MAF: variants seen among roughly 807,000 people sequenced by gnomAD.
The protein encoded by MAF is transcription factor Maf.
A neutral mutation model predicts 22.0 loss-of-function variants in MAF; 10 were observed. The observed-to-expected ratio is 0.45, with a 90% CI of 0.28 to 0.77. The LOEUF (loss-of-function observed/expected upper bound fraction) is 0.77, where lower values mean the gene tolerates loss of function less well. MAF is among the 30% of genes least tolerant of loss of function. MAF has a pLI of 0.12. For missense variants in MAF, 544 were observed against 548.4 expected (o/e 0.99, Z 0.08); for synonymous variants, 337 against 255.8 (o/e 1.32, Z -3.03).
chr16:79,338,147 G>T, the MAF span, among the ~76,000 whole-genome samples: 2 of 152,240 alleles, frequency 1.3e-5, no homozygotes, highest in Admixed American at 1.3e-4. Context: ...GGCCGACTTT[G>T]CAATCACAGT....
the MAF span, among the ~76,000 whole-genome samples, chr16:79,435,187 T>C: frequency 6.6e-6 from 1 of 152,030 alleles, no homozygotes; most frequent in African/African-American, 2.4e-5. Flanking sequence ...CGTCCATATA[T>C]ACACACACAG....
the MAF span, among the ~76,000 whole-genome samples, chr16:79,435,518 A>G: frequency 2.0e-5 from 3 of 152,304 alleles, no homozygotes; most frequent in East Asian, 5.8e-4. Flanking sequence ...TCAGTCATTC[A>G]TGCCTTACAA....
At chr16:79,578,114 A>T in the MAF span, among the ~76,000 whole-genome samples, 4 of 152,228 alleles carry the variant, frequency 2.6e-5, no homozygotes, top group African/African-American at 9.6e-5. Flanking sequence ...TATTTCAATT[A>T]ATGAGATAAT....
the MAF span, among the ~76,000 whole-genome samples, chr16:79,528,364 T>C: frequency 6.6e-6 from 1 of 152,144 alleles, no homozygotes; most frequent in African/African-American, 2.4e-5. Context: ...TGCATCTAGC[T>C]TCTGTGAACC....
chr16:79,598,615 G>A, intron 1 of MAF, 170 bp downstream of exon 1: 1 of 1,488,200 alleles, frequency 6.7e-7, no homozygotes, highest in Non-Finnish European at 8.9e-7. Flanking sequence ...TGTGTGGTGT[G>A]TGCGTGCGGG....
At chr16:79,372,179 A>G in the MAF span, among the ~76,000 whole-genome samples, 1 of 148,462 alleles carries the variant, frequency 6.7e-6, no homozygotes, top group Non-Finnish European at 1.5e-5. Context: ...TTTTTGTTTA[A>G]TTTGAGATCA....
At chr16:79,378,212 C>A in the MAF span, among the ~76,000 whole-genome samples, 2 of 152,072 alleles carry the variant, frequency 1.3e-5, no homozygotes, top group African/African-American at 4.8e-5. Context: ...AGCAGTACGG[C>A]AACTGAAACA....
chr16:79,303,790 C>T, the MAF span, among the ~76,000 whole-genome samples: 16 of 152,038 alleles, frequency 1.1e-4, no homozygotes, highest in Non-Finnish European at 2.2e-4. Context: ...TTAAAACAAA[C>T]AAGCAGAGAA....
At chr16:79,204,541 A>C in the MAF span, 1 of 152,164 alleles carries the variant, frequency 6.6e-6, no homozygotes, top group African/African-American at 2.4e-5. Context: ...TCTATCACAG[A>C]TCCTTTGGAA....
the MAF span, among the ~76,000 whole-genome samples, chr16:79,297,444 C>G: frequency 6.0e-4 from 91 of 152,224 alleles, no homozygotes; most frequent in Non-Finnish European, 1.2e-3. Context: ...TGGAGGGTGG[C>G]ACCATTTTGT....
At chr16:79,213,448 A>C in the MAF span, among the ~76,000 whole-genome samples, 1 of 152,204 alleles carries the variant, frequency 6.6e-6, no homozygotes, top group East Asian at 1.9e-4. Context: ...TGTCATTTGC[A>C]AAAGCAGCCG....
the MAF span, among the ~76,000 whole-genome samples, chr16:79,415,622 T>C: frequency 1.3e-5 from 2 of 152,016 alleles, no homozygotes; most frequent in Admixed American, 1.3e-4. Context: ...ACAAAGCAGC[T>C]TGCATCCTAT....
chr16:79,296,006 G>C, the MAF span, among the ~76,000 whole-genome samples: 17 of 152,348 alleles, frequency 1.1e-4, no homozygotes, highest in Non-Finnish European at 1.9e-4. Context: ...GACAGCCATG[G>C]GTGGGGCTGT....
chr16:79,425,143 AATG>A, the MAF span, among the ~76,000 whole-genome samples: 2 of 152,190 alleles, frequency 1.3e-5, no homozygotes, highest in Non-Finnish European at 2.9e-5. Flanking sequence ...TGATCTATTT[AATG>A]ATATTATAAT....
downstream of MAF, among the ~76,000 whole-genome samples, chr16:79,589,495 G>C (rs1397324285): frequency 6.6e-6 from 1 of 151,354 alleles, no homozygotes; most frequent in Non-Finnish European, 1.5e-5. Flanking sequence ...GAAAAAAAAA[G>C]AAAAAAGAAA....
At chr16:79,595,953 G>A (rs1183848446) in intron 1 of MAF, 3 of 1,059,698 alleles carry the variant, frequency 2.8e-6, no homozygotes, top group Non-Finnish European at 2.3e-6. Flanking sequence ...AAACAACTAT[G>A]ATTTGTCATG....
At chr16:79,584,938 C>T (rs1298003973), downstream of MAF, among the ~76,000 whole-genome samples, 5 of 152,326 alleles carry the variant, frequency 3.3e-5, no homozygotes, top group African/African-American at 9.6e-5. Context: ...TCTCAACTCA[C>T]TGGATCCTTA....
chr16:79,585,357 C>T (rs1377429811), downstream of MAF, among the ~76,000 whole-genome samples: 1 of 151,976 alleles, frequency 6.6e-6, no homozygotes, highest in African/African-American at 2.4e-5. Flanking sequence ...GAAGTGGGGA[C>T]ACACTGTGCT....
chr16:79,547,902 G>GAGAGAGAGAGAGAC, the MAF span, among the ~76,000 whole-genome samples: 7 of 95,660 alleles, frequency 7.3e-5, no homozygotes, highest in African/African-American at 2.0e-4. Flanking sequence ...GTGTGTGTGT[G>GAGAGAGAGAGAGAC]AGAGAGAGAG....
Sources: gnomAD v4.1 joint callset for allele counts (sites outside exome capture counted in the v4.1 genomes callset) on GRCh38, gnomAD v4.1.1 for gene constraint, MANE v1.5 for transcripts, NCBI Gene and HGNC (gene_info 2026-07-23, HGNC 2026-07-21) for gene names.